Variants in ROBO1 observed in about 807,000 individuals in gnomAD.
ROBO1 encodes the protein roundabout homolog 1.
In ROBO1, 149 loss-of-function variants were observed where a neutral mutation model predicts 195.9. The ratio of observed to expected loss-of-function variants is 0.76; its 90% CI spans 0.67 to 0.87. The LOEUF is 0.87. Ranked by LOEUF, ROBO1 falls within the 40% of genes least tolerant of loss-of-function variation. The pLI, the probability that ROBO1 is intolerant of heterozygous loss-of-function variation, is 0.00. For synonymous variants in ROBO1, 816 were observed against 733.2 expected (o/e 1.11, Z -1.82); for missense variants, 1,933 against 2,068.3 (o/e 0.93, Z 1.27).
At chr3:78,788,371 G>A (rs1295805823) in intron 4 of ROBO1, among the ~76,000 whole-genome samples, 1 of 139,464 alleles carries the variant, frequency 7.2e-6, no homozygotes, top group Non-Finnish European at 1.5e-5. Context: ...ACCCGCCTCG[G>A]CCTCCCAAAG....
chr3:79,688,242 A>T (rs1216369286), intron 1 of ROBO1, among the ~76,000 whole-genome samples: 3 of 127,444 alleles, frequency 2.4e-5, no homozygotes, highest in African/African-American at 5.9e-5. Flanking sequence ...GGGGGGAGGG[A>T]TAGCATTAGG....
intron 4 of ROBO1, among the ~76,000 whole-genome samples, chr3:78,795,883 C>T (rs1450908687): frequency 6.7e-6 from 1 of 148,508 alleles, no homozygotes; most frequent in Non-Finnish European, 1.5e-5. Context: ...GAACTTTGAC[C>T]CTACTGAAAA....
At chr3:79,136,210 T>A (rs1046081072) in intron 2 of ROBO1, among the ~76,000 whole-genome samples, 1 of 152,182 alleles carries the variant, frequency 6.6e-6, no homozygotes, top group Non-Finnish European at 1.5e-5. Context: ...GAAAAGCCTG[T>A]TGGTTTAAAT....
chr3:79,263,083 T>C (rs752112492), intron 2 of ROBO1, among the ~76,000 whole-genome samples: 6 of 152,134 alleles, frequency 3.9e-5, no homozygotes, highest in Admixed American at 6.6e-5. Flanking sequence ...AAGGACTGTT[T>C]TCATACCCTT....
At chr3:79,405,828 G>A (rs1428972581) in intron 2 of ROBO1, among the ~76,000 whole-genome samples, 1 of 151,816 alleles carries the variant, frequency 6.6e-6, no homozygotes, top group Non-Finnish European at 1.5e-5. Context: ...AAGAATAAAG[G>A]ATGAAACAAA....
At chr3:79,027,986 C>A (rs931283748) in intron 3 of ROBO1, among the ~76,000 whole-genome samples, 1 of 152,046 alleles carries the variant, frequency 6.6e-6, no homozygotes, top group Non-Finnish European at 1.5e-5. Context: ...CTAAATATTA[C>A]TTTTTACCTA....
intron 2 of ROBO1, among the ~76,000 whole-genome samples, chr3:79,188,873 T>G (rs540864084): frequency 6.6e-6 from 1 of 151,864 alleles, no homozygotes; most frequent in South Asian, 2.1e-4. Flanking sequence ...TATTAGGAGT[T>G]GATGCCTTTG....
At chr3:78,646,435 A>C (rs941101424) in intron 20 of ROBO1, among the ~76,000 whole-genome samples, 1 of 150,624 alleles carries the variant, frequency 6.6e-6, no homozygotes, top group Non-Finnish European at 1.5e-5. Flanking sequence ...TATCACTCTT[A>C]TTTTCTTCAA....
chr3:78,993,173 A>T (rs2077276818), intron 3 of ROBO1, among the ~76,000 whole-genome samples: 1 of 152,194 alleles, frequency 6.6e-6, no homozygotes, highest in Admixed American at 6.5e-5. Context: ...CACACTTGTG[A>T]ATCTGACATG....
intron 3 of ROBO1, among the ~76,000 whole-genome samples, chr3:79,074,054 T>C (rs1018868290): frequency 1.3e-5 from 2 of 151,880 alleles, no homozygotes; most frequent in African/African-American, 4.8e-5. Flanking sequence ...TTTTCAAATA[T>C]AATCTCATTG....
At chr3:79,740,805 C>T (rs1004374108) in intron 1 of ROBO1, among the ~76,000 whole-genome samples, 5 of 152,146 alleles carry the variant, frequency 3.3e-5, no homozygotes, top group African/African-American at 4.8e-5. Flanking sequence ...TTCTGCACAA[C>T]AGTTAAAATT....
intron 1 of ROBO1, among the ~76,000 whole-genome samples, chr3:79,660,290 G>A (rs570639270): frequency 4.8e-4 from 73 of 151,792 alleles, no homozygotes; most frequent in African/African-American, 1.8e-3. Flanking sequence ...TAAAATGCCA[G>A]CTCAAAGGCT....
intron 4 of ROBO1, among the ~76,000 whole-genome samples, chr3:78,774,478 T>G (rs144569750): frequency 0.034 from 5,148 of 152,158 alleles, 118 homozygotes; most frequent in Non-Finnish European, 0.047. Context: ...GCCCAGCTAA[T>G]TTTTTGTATT....
At chr3:79,215,029 A>G (rs1299367296) in intron 2 of ROBO1, among the ~76,000 whole-genome samples, 1 of 151,952 alleles carries the variant, frequency 6.6e-6, no homozygotes, top group East Asian at 1.9e-4. Flanking sequence ...GTTTTGCCAA[A>G]CGCAAGCTCC....
chr3:79,314,642 T>A (rs1432061522), intron 2 of ROBO1, among the ~76,000 whole-genome samples: 3 of 152,218 alleles, frequency 2.0e-5, no homozygotes, highest in Non-Finnish European at 2.9e-5. Context: ...AGACTAAAAA[T>A]TCTGTTTATT....
chr3:78,853,125 G>A (rs2034177014), intron 4 of ROBO1, among the ~76,000 whole-genome samples: 1 of 152,080 alleles, frequency 6.6e-6, no homozygotes, highest in Non-Finnish European at 1.5e-5. Context: ...GCACTTATCA[G>A]TCTGTAGCTT....
At chr3:78,737,974 C>T (rs1204272411) in intron 5 of ROBO1, among the ~76,000 whole-genome samples, 2 of 152,070 alleles carry the variant, frequency 1.3e-5, no homozygotes, top group East Asian at 1.9e-4. Context: ...GGAAAAGGGG[C>T]TTTATGACAT....
At chr3:79,395,129 C>T (rs1230706260) in intron 2 of ROBO1, among the ~76,000 whole-genome samples, 1 of 151,764 alleles carries the variant, frequency 6.6e-6, no homozygotes, top group Non-Finnish European at 1.5e-5. Flanking sequence ...CAAGACCATC[C>T]TGGCTAACAT....
At chr3:78,889,237 T>C (rs1033400089) in intron 4 of ROBO1, among the ~76,000 whole-genome samples, 3 of 152,236 alleles carry the variant, frequency 2.0e-5, no homozygotes, top group Non-Finnish European at 4.4e-5. Flanking sequence ...CCCCAATATA[T>C]GTTCATACAT....
Sources: allele counts gnomAD v4.1 joint callset (sites outside exome capture counted in the v4.1 genomes callset), GRCh38; gene constraint gnomAD v4.1.1; transcripts MANE v1.5; gene names NCBI Gene and HGNC (gene_info 2026-07-23, HGNC 2026-07-21).